Variants in PMM2 observed in about 807,000 individuals in gnomAD.
PMM2 encodes mannose-6-phosphate isomerase.
PMM2 carries 35 observed loss-of-function variants against 33.2 expected under a neutral mutation model. The ratio of observed to expected loss-of-function variants is 1.06; its 90% CI spans 0.81 to 1.40. The LOEUF is 1.40. Among genes scored for constraint, PMM2 ranks in the 40% most tolerant of loss-of-function variants. The pLI is 0.00. For missense variants in PMM2, 386 were observed against 306.0 expected (o/e 1.26, Z -1.95); for synonymous variants, 153 against 114.7 (o/e 1.33, Z -2.13).
Position 8,813,062 on chromosome 16 carries a change from G to A in PMM2, c.595G>A (p.Asp199Asn). The change falls in exon 7 of 8, where the codon GAC becomes AAC. Residue 199 changes from aspartate to asparagine, a missense_variant. By Grantham distance (23) the Asp-to-Asn change is conservative (BLOSUM62 1). Coordinates refer to ENST00000268261, the MANE Select transcript of PMM2 (RefSeq NM_000303.3). The stretch of plus-strand genomic sequence containing the variant: ...ATACTGTCTGCGACATGTGGAAAAT[G>A]ACGGTTATAAGACCATTTATTTCTT... ...KRYCLRHVENDGYKTIYFFGD... is the reference protein window; with the variant it reads ...KRYCLRHVENNGYKTIYFFGD... 1 of 1,613,072 alleles carries A rather than the reference G, an allele frequency of 6.2e-7. No homozygotes were observed. Among genetic ancestry groups the A allele is most frequent in the Non-Finnish European group, 8.5e-7 (1 of 1,178,952 alleles).
intron 7 of PMM2, among the ~76,000 whole-genome samples, chr16:8,819,181 G>GC (rs1368788659): frequency 6.6e-6 from 1 of 152,242 alleles, no homozygotes; most frequent in African/African-American, 2.4e-5. Context: ...GTTGGGGACA[G>GC]CCCCGCTGCT....
chr16:8,833,505 G>C lies in PMM2; in HGVS notation c.640-14219G>C, dbSNP rs1013079950. ...TTATATTAATAAGAAAAATAAAATA[G>C]TGTTGAAGTGTTGGGGCGGTGAAAA... On this transcript the variant is annotated intron_variant, in intron 7 of 7. Coordinates refer to ENST00000268261, the MANE Select transcript of PMM2 (RefSeq NM_000303.3). Among the ~76,000 whole-genome samples, 4 of 151,974 alleles carry C rather than the reference G, an allele frequency of 2.6e-5. No homozygotes were observed. The South Asian group carries it at 8.3e-4, about 32-fold the overall frequency.
chr16:8,847,420 C>T (rs186651836), intron 7 of PMM2, among the ~76,000 whole-genome samples: 82 of 149,846 alleles, frequency 5.5e-4, no homozygotes, highest in Admixed American at 5.0e-3. Flanking sequence ...TACTGTCACT[C>T]GCTGATGCCT....
chr16:8,833,226 A>G (rs1039793609), intron 7 of PMM2, among the ~76,000 whole-genome samples: 14 of 152,162 alleles, frequency 9.2e-5, no homozygotes, highest in East Asian at 1.9e-4. Flanking sequence ...TGCGGGCAGG[A>G]GTGGATCTCA....
At position 8,848,073 on chromosome 16, in the gene PMM2, G is replaced by T; in HGVS notation, c.*248G>T. 2.0e-6 allele frequency: 1 copy of T among 494,454 alleles called. No homozygotes were observed. The highest frequency in any genetic ancestry group is 2.0e-5 in the South Asian group (1 of 48,838). 30.6% of individuals were successfully genotyped at this position (494,454 alleles called of 1,614,324 possible). A position where few individuals can be genotyped will look rare whatever the true frequency, so the allele number is the denominator to read the frequency against. The stretch of plus-strand genomic sequence containing the variant: ...AAAAGGTCTTCCCCACCCACCCCCA[G>T]CCCCCTAGTCTAATACCCACCCTGA... On this transcript the variant is annotated 3_prime_UTR_variant, in exon 8 of 8. Transcript: ENST00000268261.
Position 8,797,902 on chromosome 16 carries a change from C to A in PMM2, c.20C>A (p.Ala7Glu). Residue 7 changes from alanine to glutamate, a missense_variant, in exon 1 of 8, where the codon GCG becomes GAG. Coordinates refer to ENST00000268261, the MANE Select transcript of PMM2 (RefSeq NM_000303.3). MAAPGP[A>E]LCLFDVDGTL... ...GGGGACATGGCAGCGCCTGGCCCAG[C>A]GCTCTGCCTCTTCGACGTGGATGGG... is the stretch of plus-strand genomic sequence containing the variant. 1.2e-6 allele frequency: 2 copies of A among 1,611,430 alleles called. No individual in the cohort carries two copies. Among genetic ancestry groups the A allele is most frequent in the Middle Eastern group, 1.7e-4 (1 of 6,056 alleles).
chr16:8,833,058 T>C (rs2141039075), intron 7 of PMM2: 1 of 270,122 alleles, frequency 3.7e-6, no homozygotes, highest in East Asian at 1.8e-4. Flanking sequence ...CGCGTCCGTG[T>C]GAAGAGACCA....
chr16:8,815,450 C>T (rs933691470), intron 7 of PMM2, among the ~76,000 whole-genome samples: 6 of 152,104 alleles, frequency 3.9e-5, no homozygotes, highest in Non-Finnish European at 7.4e-5. Context: ...AGGCTGGTCT[C>T]GAACTCCTGG....
At chr16:8,812,651 G>A (rs867073488) in intron 6 of PMM2, among the ~76,000 whole-genome samples, 9 of 152,184 alleles carry the variant, frequency 5.9e-5, no homozygotes, top group African/African-American at 1.9e-4. Context: ...GTTAAAGCCC[G>A]AGACAAGCAC....
chr16:8,848,866 C>T lies in PMM2; in HGVS notation c.*1041C>T, dbSNP rs1381311361. On this transcript the variant is annotated 3_prime_UTR_variant, in exon 8 of 8. Transcript: ENST00000268261. ...GCTACAGCTAGGTCCGCGTCCCTCA[C>T]TCTTTTCATCTTCTGCACGTTCTTC... 1 of 152,282 alleles carries T rather than the reference C, an allele frequency of 6.6e-6. No individual in the cohort carries two copies. Among genetic ancestry groups the T allele is most frequent in the Non-Finnish European group, 1.5e-5 (1 of 68,058 alleles). 9.4% of individuals were successfully genotyped at this position (152,282 alleles called of 1,614,324 possible).
chr16:8,823,094 T>G (rs2060747251), intron 7 of PMM2, among the ~76,000 whole-genome samples: 1 of 152,214 alleles, frequency 6.6e-6, no homozygotes, highest in Non-Finnish European at 1.5e-5. Flanking sequence ...TCAGTTTTCC[T>G]AGTCCTAAGA....
chr16:8,831,282 C>T (rs2060808215), intron 7 of PMM2, among the ~76,000 whole-genome samples: 1 of 152,230 alleles, frequency 6.6e-6, no homozygotes, highest in Admixed American at 6.5e-5. Flanking sequence ...AACATTTTCT[C>T]AGTTATAATT....
chr16:8,811,798 T>C (rs1181980118), intron 6 of PMM2, 85 bp downstream of exon 6: 20 of 922,230 alleles, frequency 2.2e-5, no homozygotes, highest in Non-Finnish European at 3.6e-5. Context: ...GATAATGAAG[T>C]ATGTGCAGTT....
At chr16:8,843,597 C>T (rs1284288831) in intron 7 of PMM2, among the ~76,000 whole-genome samples, 7 of 152,044 alleles carry the variant, frequency 4.6e-5, no homozygotes, top group African/African-American at 1.7e-4. Context: ...GCGGTTCAGG[C>T]ATTTGGAAGT....
chr16:8,800,786 T>C (rs1479998649), intron 1 of PMM2, among the ~76,000 whole-genome samples: 1 of 151,936 alleles, frequency 6.6e-6, no homozygotes, highest in Non-Finnish European at 1.5e-5. Context: ...CGGGTTCAAG[T>C]GATTCTCCTG....
In PMM2 at chr16:8,836,237, C is replaced by T. The variant is rs1450333600; in HGVS notation, c.640-11487C>T. Reference sequence around the variant, plus strand: ...TGAGAGTTACCCGATGCTCGGCGTCCGTGATGGTTTATGGGGCTTCCGAGG... The same window carrying T: ...TGAGAGTTACCCGATGCTCGGCGTCTGTGATGGTTTATGGGGCTTCCGAGG... On this transcript the variant is annotated intron_variant, in intron 7 of 7. Coordinates refer to ENST00000268261, the MANE Select transcript of PMM2 (RefSeq NM_000303.3). Among the ~76,000 whole-genome samples, 3 of 151,820 alleles carry T rather than the reference C, an allele frequency of 2.0e-5. 1 individual carries two copies. Among genetic ancestry groups the T allele is most frequent in the African/African-American group, 7.3e-5 (3 of 41,272 alleles).
intron 3 of PMM2, 79 bp downstream of exon 3, chr16:8,804,922 G>A: frequency 1.2e-6 from 1 of 857,760 alleles, no homozygotes; most frequent in Non-Finnish European, 2.0e-6. Context: ...AATGCCTCTA[G>A]GAAGATGAGG....
chr16:8,808,879 G>A (rs1468782467), intron 4 of PMM2: 1 of 152,236 alleles, frequency 6.6e-6, no homozygotes, highest in Non-Finnish European at 1.5e-5. Context: ...TGGGATTATT[G>A]AGAGAGATTT....
chr16:8,811,136 C>A lies in PMM2; in HGVS notation c.405C>A (p.Ser135Arg), dbSNP rs757850048. The A allele has an allele frequency of 8.9e-6, 14 of 1,577,724 alleles. No individual in the cohort carries two copies. The highest frequency in any genetic ancestry group is 8.6e-6 in the Non-Finnish European group (10 of 1,157,738). The change falls in exon 5 of 8, where the codon AGC (serine) becomes AGA (arginine). Residue 135 changes from serine to arginine, a missense_variant. Ser to Arg is a moderately radical substitution (Grantham distance 110). Transcript: ENST00000268261. The stretch of plus-strand genomic sequence containing the variant: ...TAAACGTGTCCCCTATTGGAAGAAG[C>A]TGCAGCCAAGAAGAACGCATTGAGT... ...GMLNVSPIGR[S>R]CSQEERIEFY... is the part of the protein sequence containing the mutation.
Sources: gnomAD v4.1 joint callset for allele counts (sites outside exome capture counted in the v4.1 genomes callset) on GRCh38, gnomAD v4.1.1 for gene constraint, MANE v1.5 for transcripts, NCBI Gene and HGNC (gene_info 2026-07-23, HGNC 2026-07-21) for gene names.